Variants in HCN1 observed in about 807,000 individuals in gnomAD.
HCN1 encodes the protein potassium/sodium hyperpolarization-activated cyclic nucleotide-gated channel 1.
HCN1 carries 13 observed loss-of-function variants against 78.9 expected under a neutral mutation model. The observed-to-expected ratio is 0.16, with a 90% confidence interval of 0.11 to 0.26. The LOEUF (loss-of-function observed/expected upper bound fraction) is 0.26, where lower values mean the gene tolerates loss of function less well. Ranked by LOEUF, HCN1 falls within the 10% of genes least tolerant of loss-of-function variation. The probability of loss-of-function intolerance (pLI) is 1.00; values close to 1 mark genes in which losing one functional copy is unlikely to be tolerated. For synonymous variants in HCN1, 552 were observed against 455.5 expected (o/e 1.21, Z -2.70); for missense variants, 810 against 1,154.3 (o/e 0.70, Z 4.32).
Position 45,295,641 on chromosome 5 carries a change from A to G in HCN1, c.1618+7958T>C, listed in dbSNP as rs569535545. 3.3e-5 allele frequency among the ~76,000 whole-genome samples: 5 copies of G among 152,172 alleles called. No homozygotes were observed. The East Asian group carries it at 9.7e-4, about 30-fold the overall frequency. ...AAACTTTTGAGTTTGATCTTTCTTT[A>G]AATAAGTCTCCTTAGCTTACTATTC... On this transcript the variant is annotated intron_variant, in intron 6 of 7. Transcript: ENST00000303230.
At chr5:45,622,086 G>A (rs1194702593) in intron 2 of HCN1, among the ~76,000 whole-genome samples, 1 of 152,056 alleles carries the variant, frequency 6.6e-6, no homozygotes, top group African/African-American at 2.4e-5. Context: ...GCCAGACGTG[G>A]TGGCGGGCGC....
At chr5:45,439,679 T>G (rs1050574029) in intron 3 of HCN1, among the ~76,000 whole-genome samples, 1 of 152,058 alleles carries the variant, frequency 6.6e-6, no homozygotes, top group Non-Finnish European at 1.5e-5. Context: ...ACACTGAAGA[T>G]TCCCTCCAGA....
intron 6 of HCN1, among the ~76,000 whole-genome samples, chr5:45,269,787 A>G (rs1744926767): frequency 6.6e-6 from 1 of 152,160 alleles, no homozygotes; most frequent in Non-Finnish European, 1.5e-5. Flanking sequence ...TACCATCAGC[A>G]TAAGTCACCC....
chr5:45,271,866 TG>T (rs1159136761), intron 6 of HCN1, among the ~76,000 whole-genome samples: 1 of 152,126 alleles, frequency 6.6e-6, no homozygotes, highest in African/African-American at 2.4e-5. Context: ...TAAAGGACTT[TG>T]TTCATTACCA....
chr5:45,349,706 C>A (rs551079548), intron 5 of HCN1, among the ~76,000 whole-genome samples: 15 of 152,036 alleles, frequency 9.9e-5, no homozygotes, highest in Non-Finnish European at 8.8e-5. Flanking sequence ...CCACCGATCC[C>A]ACAGAAATAC....
At chr5:45,649,308 C>G (rs1403853977) in intron 1 of HCN1, among the ~76,000 whole-genome samples, 2 of 151,848 alleles carry the variant, frequency 1.3e-5, no homozygotes, top group Admixed American at 6.6e-5. Flanking sequence ...ACTGAGTGTA[C>G]AGAGATTTCT....
chr5:45,345,982 G>A (rs1007143968), intron 5 of HCN1, among the ~76,000 whole-genome samples: 1 of 152,206 alleles, frequency 6.6e-6, no homozygotes, highest in African/African-American at 2.4e-5. Context: ...AGTTCAGCAT[G>A]GCTGGGGAGG....
intron 2 of HCN1, among the ~76,000 whole-genome samples, chr5:45,635,348 A>G (rs1268106967): frequency 6.6e-6 from 1 of 152,068 alleles, no homozygotes; most frequent in Non-Finnish European, 1.5e-5. Flanking sequence ...CTCCACAAAA[A>G]CAACAAAAAG....
At chr5:45,456,945 A>T (rs1741039868) in intron 3 of HCN1, among the ~76,000 whole-genome samples, 1 of 152,036 alleles carries the variant, frequency 6.6e-6, no homozygotes, top group Admixed American at 6.6e-5. Flanking sequence ...ACTCCTCATG[A>T]CACAACCTGC....
chr5:45,526,114 T>C (rs1241038296), intron 2 of HCN1, among the ~76,000 whole-genome samples: 2 of 152,072 alleles, frequency 1.3e-5, no homozygotes, highest in Non-Finnish European at 1.5e-5. Flanking sequence ...ATGTGTGTTA[T>C]TTATAAGCCA....
intron 2 of HCN1, among the ~76,000 whole-genome samples, chr5:45,526,961 A>G (rs1171739967): frequency 6.9e-6 from 1 of 145,654 alleles, no homozygotes; most frequent in Non-Finnish European, 1.5e-5. Context: ...TAAAATGTCT[A>G]TGAACTAACT....
intron 4 of HCN1, among the ~76,000 whole-genome samples, chr5:45,385,425 C>T (rs1747891498): frequency 6.6e-6 from 1 of 151,806 alleles, no homozygotes; most frequent in Non-Finnish European, 1.5e-5. Context: ...CATATAACTT[C>T]CTGGGGCTTG....
At chr5:45,512,830 T>C (rs1192739765) in intron 2 of HCN1, among the ~76,000 whole-genome samples, 1 of 152,116 alleles carries the variant, frequency 6.6e-6, no homozygotes, top group Non-Finnish European at 1.5e-5. Context: ...AAGCTTGATT[T>C]ACCAAAATAT....
At chr5:45,451,311 G>A (rs1740913344) in intron 3 of HCN1, among the ~76,000 whole-genome samples, 1 of 151,740 alleles carries the variant, frequency 6.6e-6, no homozygotes, top group Admixed American at 6.6e-5. Flanking sequence ...TGATCTCTTG[G>A]TATAATCAGA....
At chr5:45,683,827 T>G (rs780670333) in intron 1 of HCN1, among the ~76,000 whole-genome samples, 1 of 151,984 alleles carries the variant, frequency 6.6e-6, no homozygotes. Flanking sequence ...TGCATCTCCA[T>G]GCCTGCCTAA....
intron 2 of HCN1, among the ~76,000 whole-genome samples, chr5:45,571,914 C>A (rs1743844996): frequency 6.6e-6 from 1 of 152,030 alleles, no homozygotes; most frequent in African/African-American, 2.4e-5. Flanking sequence ...AATTCCATCT[C>A]AAAAATAATA....
At chr5:45,548,174 C>A (rs1312496965) in intron 2 of HCN1, among the ~76,000 whole-genome samples, 1 of 151,772 alleles carries the variant, frequency 6.6e-6, no homozygotes, top group Non-Finnish European at 1.5e-5. Context: ...TAACAATCTA[C>A]TGATACACAT....
At chr5:45,305,000 T>C (rs1745698497) in intron 5 of HCN1, among the ~76,000 whole-genome samples, 1 of 152,176 alleles carries the variant, frequency 6.6e-6, no homozygotes, top group African/African-American at 2.4e-5. Flanking sequence ...ATTTACATTT[T>C]TGCCACAAAG....
intron 4 of HCN1, among the ~76,000 whole-genome samples, chr5:45,370,903 TAAA>T (rs1027917097): frequency 1.3e-5 from 2 of 152,112 alleles, no homozygotes; most frequent in Admixed American, 1.3e-4. Context: ...ATGTAAATTT[TAAA>T]AATTCTTTTT....
Sources: gnomAD v4.1 joint callset for allele counts (sites outside exome capture counted in the v4.1 genomes callset) on GRCh38, gnomAD v4.1.1 for gene constraint, MANE v1.5 for transcripts, NCBI Gene and HGNC (gene_info 2026-07-23, HGNC 2026-07-21) for gene names.